Variants in SPECC1 observed in about 807,000 individuals in gnomAD.
SPECC1 encodes the protein cytospin-B.
In SPECC1, 62 loss-of-function variants were observed where a neutral mutation model predicts 104.1. That is an observed-to-expected ratio of 0.60 (90% CI 0.49 to 0.74). The LOEUF is 0.74. SPECC1 is among the 30% of genes least tolerant of loss of function. The probability of loss-of-function intolerance (pLI) is 0.00; values close to 1 mark genes in which losing one functional copy is unlikely to be tolerated. For synonymous variants in SPECC1, 513 were observed against 501.6 expected, an observed-to-expected ratio of 1.02 and a Z score of -0.30; for missense variants, 1,306 against 1,310.5, an observed-to-expected ratio of 1.00 and a Z score of 0.05.
rs760684197 is a variant in SPECC1, at chr17:20,245,930, G to A, written c.2356G>A (p.Val786Met). The change falls in exon 8 of 15, where the codon GTG (valine) becomes ATG (methionine). Residue 786 changes from valine to methionine, a missense_variant. Transcript: ENST00000395527. ...GATTTGCTCTTTGCCATGCAGACCT[G>A]TGGATGAAGAGCCAGAGTCCTCTGA... is the stretch of plus-strand genomic sequence containing the variant. ...VVTSRAAPPP[V>M]DEEPESSEVD... 3 of 1,614,100 alleles carry A rather than the reference G, an allele frequency of 1.9e-6. No individual in the cohort carries two copies. Among genetic ancestry groups the A allele is most frequent in the Non-Finnish European group, 8.5e-7 (1 of 1,180,012 alleles).
chr17:20,119,145 T>C (rs2048903163), intron 3 of SPECC1, among the ~76,000 whole-genome samples: 2 of 152,254 alleles, frequency 1.3e-5, no homozygotes, highest in Admixed American at 1.3e-4. Context: ...GTTATACAAA[T>C]TGTTTGTCAG....
At chr17:20,023,110 G>C (rs946525674) in intron 1 of SPECC1, among the ~76,000 whole-genome samples, 1 of 152,156 alleles carries the variant, frequency 6.6e-6, no homozygotes, top group Non-Finnish European at 1.5e-5. Flanking sequence ...TTTCTGTGAA[G>C]AGCTATAGAG....
intron 3 of SPECC1, among the ~76,000 whole-genome samples, chr17:20,125,896 G>A (rs890618715): frequency 3.9e-5 from 6 of 152,162 alleles, no homozygotes; most frequent in Non-Finnish European, 8.8e-5. Flanking sequence ...TGGTGGTGTC[G>A]TGGCCCTGCG....
intron 4 of SPECC1, among the ~76,000 whole-genome samples, chr17:20,225,938 A>G (rs2038175865): frequency 6.6e-6 from 1 of 152,150 alleles, no homozygotes. Flanking sequence ...TCAATCATTC[A>G]TCAAATATTC....
chr17:20,055,442 A>G (rs574200887), intron 1 of SPECC1, among the ~76,000 whole-genome samples: 1 of 152,164 alleles, frequency 6.6e-6, no homozygotes, highest in African/African-American at 2.4e-5. Context: ...AACAGTGCAC[A>G]AAAGTTCCAG....
intron 1 of SPECC1, among the ~76,000 whole-genome samples, chr17:20,054,639 G>A (rs11870381): frequency 0.074 from 11,193 of 151,994 alleles, 556 homozygotes; most frequent in African/African-American, 0.14. Flanking sequence ...TTGTTCTTGC[G>A]TATCTGATCT....
intron 1 of SPECC1, among the ~76,000 whole-genome samples, chr17:20,053,899 T>C (rs942887169): frequency 7.2e-5 from 11 of 152,240 alleles, no homozygotes; most frequent in African/African-American, 1.9e-4. Flanking sequence ...TTGTCAGTGA[T>C]TGGCTACACA....
rs1251721657 is a variant in SPECC1, at chr17:20,205,076, C to T, written c.1027C>T (p.Leu343=). The change falls in exon 4 of 15, where the codon CTG becomes TTG. Residue 343 remains leucine (L), a synonymous_variant. Transcript: ENST00000395527. ...TACAGCAGAGACACCCTCAAGGCCC[C>T]TGTCCTCCACCAGTAACCCCTTTAA... ...HITAETPSRP[L]SSTSNPFKSS... 1 of 1,614,214 alleles carries T rather than the reference C, an allele frequency of 6.2e-7. No individual in the cohort carries two copies. Among genetic ancestry groups the T allele is most frequent in the South Asian group, 1.1e-5 (1 of 91,078 alleles).
chr17:20,123,131 C>G (rs958676442), intron 3 of SPECC1, among the ~76,000 whole-genome samples: 2 of 152,156 alleles, frequency 1.3e-5, no homozygotes, highest in African/African-American at 4.8e-5. Context: ...GAACGTGGAT[C>G]TCTTCTGGAG....
intron 4 of SPECC1, among the ~76,000 whole-genome samples, chr17:20,222,033 T>A (rs546475439): frequency 3.9e-4 from 59 of 151,484 alleles, no homozygotes; most frequent in African/African-American, 1.3e-3. Flanking sequence ...TTTTTTTTTT[T>A]AAGTTTTAGG....
At chr17:20,272,914 A>G (rs1159333728) in intron 12 of SPECC1, among the ~76,000 whole-genome samples, 5 of 152,190 alleles carry the variant, frequency 3.3e-5, no homozygotes, top group Admixed American at 2.0e-4. Context: ...TGTTTCCTAC[A>G]GTCCCTTTAT....
intron 1 of SPECC1, among the ~76,000 whole-genome samples, chr17:20,025,378 G>A (rs1172142814): frequency 6.6e-6 from 1 of 152,154 alleles, no homozygotes; most frequent in Non-Finnish European, 1.5e-5. Flanking sequence ...TGTACTACCT[G>A]TCCTCCCAGC....
At chr17:20,171,408 T>C (rs996297078) in intron 3 of SPECC1, among the ~76,000 whole-genome samples, 2 of 152,240 alleles carry the variant, frequency 1.3e-5, no homozygotes, top group African/African-American at 4.8e-5. Context: ...GATGAAATTT[T>C]AGTGTAAACT....
chr17:20,113,957 A>G (rs2048623968), intron 3 of SPECC1, among the ~76,000 whole-genome samples: 2 of 152,220 alleles, frequency 1.3e-5, no homozygotes, highest in Admixed American at 6.5e-5. Context: ...ATCTACTGCA[A>G]TCAAAGCTTA....
At chr17:20,082,611 A>G (rs192256987) in intron 1 of SPECC1, among the ~76,000 whole-genome samples, 32 of 150,998 alleles carry the variant, frequency 2.1e-4, no homozygotes, top group East Asian at 1.4e-3. Flanking sequence ...ATATGTGTGT[A>G]TATATATATA....
chr17:20,059,075 C>T (rs1040147184), intron 1 of SPECC1, among the ~76,000 whole-genome samples: 6 of 151,778 alleles, frequency 4.0e-5, no homozygotes, highest in Admixed American at 1.3e-4. Context: ...CTCCTGACCT[C>T]GTGATCCGCC....
intron 1 of SPECC1, among the ~76,000 whole-genome samples, chr17:20,077,569 C>T (rs752852659): frequency 1.3e-5 from 2 of 151,966 alleles, no homozygotes; most frequent in Non-Finnish European, 2.9e-5. Context: ...CAGGTTCAAG[C>T]GATTCTCCTG....
chr17:20,014,122 T>C (rs1285898682), intron 1 of SPECC1, among the ~76,000 whole-genome samples: 2 of 152,252 alleles, frequency 1.3e-5, no homozygotes, highest in African/African-American at 4.8e-5. Flanking sequence ...TTGCCAACTC[T>C]TGGTAATTTC....
chr17:20,041,620 C>CTTTTTTTTTTT (rs35255510), intron 1 of SPECC1, among the ~76,000 whole-genome samples: 1 of 51,150 alleles, frequency 2.0e-5, no homozygotes, highest in Non-Finnish European at 4.1e-5. Context: ...TTTGTTGAGG[C>CTTTTTTTTTTT]TTTTTTTTTT....
Sources: gnomAD v4.1 joint callset for allele counts (sites outside exome capture counted in the v4.1 genomes callset) on GRCh38, gnomAD v4.1.1 for gene constraint, MANE v1.5 for transcripts, NCBI Gene and HGNC (gene_info 2026-07-23, HGNC 2026-07-21) for gene names.